PSG7: variants seen among roughly 807,000 people sequenced by gnomAD.
The protein encoded by PSG7 is pregnancy-specific beta-1-glycoprotein 7.
PSG7 carries 57 observed loss-of-function variants against 45.6 expected under a neutral mutation model. That is an observed-to-expected ratio of 1.25 (90% confidence interval 1.01 to 1.56). The LOEUF is 1.56. Ranked by LOEUF, PSG7 falls within the 40% of genes most tolerant of loss-of-function variation. The probability of loss-of-function intolerance (pLI) is 0.00; values close to 1 mark genes in which losing one functional copy is unlikely to be tolerated. For missense variants in PSG7, 796 were observed against 508.4 expected, an observed-to-expected ratio of 1.57 and a Z score of -5.44; for synonymous variants, 298 against 194.4, an observed-to-expected ratio of 1.53 and a Z score of -4.43.
At chr19:42,926,197 A>G in intron 4 of PSG7, 170 bp from the exon 5 acceptor site, 1 of 1,403,634 alleles carries the variant, frequency 7.1e-7, no homozygotes, top group Non-Finnish European at 9.6e-7. Flanking sequence ...TGTTTCTCCC[A>G]TCACAAGCTG....
In PSG7 at chr19:42,926,716, G is replaced by A. The variant is rs200513015; in HGVS notation, c.710C>T (p.Pro237Leu). 977 of 1,610,192 alleles carry A rather than the reference G, an allele frequency of 6.1e-4. 23 individuals are homozygous for A. The African/African-American group carries it at 0.011, about 18-fold the overall frequency. ...GGTGATGTAGGGCTTGGGCAGCTTCGCTGTGTGAATAACAGAGAGAAGATT... is the reference window on the plus strand; with the variant it reads ...GGTGATGTAGGGCTTGGGCAGCTTCACTGTGTGAATAACAGAGAGAAGATT... ...RSDPVTLNLLPKLPKPYITIN... is the reference protein window; with the variant it reads ...RSDPVTLNLLLKLPKPYITIN... The change falls in exon 4 of 6, where the codon CCG becomes CTG. Residue 237 changes from proline to leucine, a missense_variant and splice_region_variant. Pro to Leu is a moderately conservative substitution (Grantham distance 98, BLOSUM62 -3). Coordinates refer to ENST00000406070, the MANE Select transcript of PSG7 (RefSeq NM_002783.3).
At chr19:42,934,103 A>G (rs1393332547) in intron 2 of PSG7, among the ~76,000 whole-genome samples, 1 of 151,442 alleles carries the variant, frequency 6.6e-6, no homozygotes, top group Non-Finnish European at 1.5e-5. Flanking sequence ...GTGGGGAAAG[A>G]AAACAAGGTC....
Position 42,935,460 on chromosome 19 carries a change from A to G in PSG7, c.374T>C (p.Ile125Thr). ...EDTGSYTLHI[I>T]KRGDGTGGVT... ...TCCTCCAGTCCCATCACCTCGCTTT[A>G]TGATGTGTAAAGTGTAGGATCCTGT... Residue 125 changes from isoleucine to threonine, a missense_variant, in exon 2 of 6, where the codon ATA (isoleucine) becomes ACA (threonine). By Grantham distance (89) the Ile-to-Thr change is moderately conservative. Transcript: ENST00000406070. 1 of 1,612,152 alleles carries G rather than the reference A, an allele frequency of 6.2e-7. No homozygotes were observed.
In PSG7 at chr19:42,935,620, T is replaced by C. The variant is rs1475428843; in HGVS notation, c.214A>G (p.Ile72Val). The stretch of plus-strand genomic sequence containing the variant: ...GTAACATAATGGTAGAGGTCCCTGA[T>C]TTGTCCTTTGTACCAGATGTAGCCA... ...LTGYIWYKGQ[I>V]RDLYHYVTSY... The change falls in exon 2 of 6, where the codon ATC (isoleucine) becomes GTC (valine). Residue 72 changes from isoleucine (I) to valine (V), a missense_variant. By Grantham distance (29) the Ile-to-Val change is conservative. Transcript: ENST00000406070. The C allele has an allele frequency of 2.7e-5, 43 of 1,612,042 alleles. 1 individual carries two copies. The highest frequency in any genetic ancestry group is 3.6e-5 in the Non-Finnish European group (42 of 1,179,132).
chr19:42,935,564 T>A lies in PSG7; in HGVS notation c.270A>T (p.Lys90Asn). The A allele has an allele frequency of 6.2e-7, 1 of 1,612,048 alleles. No homozygotes were observed. The change falls in exon 2 of 6, where the codon AAA becomes AAT. Residue 90 changes from lysine (K) to asparagine (N), a missense_variant. Lys to Asn is a moderately conservative substitution (Grantham distance 94). Transcript: ENST00000406070. ...CTCGTCCACTGTATGCAGGCCCATA[T>A]TTAATTATTTGACCGTCTACTATAT... ...TSYIVDGQII[K>N]YGPAYSGRET...
Position 42,924,135 on chromosome 19 carries a change from G to A in PSG7, c.*673C>T, listed in dbSNP as rs1311694930. The stretch of plus-strand genomic sequence containing the variant: ...AAATTGTTTTAAGAGAACAGTATTA[G>A]CAAATGTAGTACATGTTTTATTCTG... On this transcript the variant is annotated 3_prime_UTR_variant, in exon 6 of 6. Transcript: ENST00000406070. 6.3e-6 allele frequency: 1 copy of A among 157,712 alleles called. No homozygotes were observed. Among genetic ancestry groups the A allele is most frequent in the Non-Finnish European group, 1.4e-5 (1 of 72,098 alleles). The allele number at this position is 157,712 out of a possible 1,614,324, so 9.8% of individuals were successfully genotyped here.
At chr19:42,929,159 A>T in intron 3 of PSG7, 1 of 656,038 alleles carries the variant, frequency 1.5e-6, no homozygotes, top group Non-Finnish European at 2.4e-6. Context: ...GTCCCAGCCA[A>T]ATCCCCGCTG....
In PSG7 at chr19:42,926,683, T is replaced by A. The variant is rs764904339; in HGVS notation, c.743A>T (p.Asn248Ile). 6 of 1,610,180 alleles carry A rather than the reference T, an allele frequency of 3.7e-6. No individual in the cohort carries two copies. The change falls in exon 4 of 6, where the codon AAC becomes ATC. Residue 248 changes from asparagine (N) to isoleucine (I), a missense_variant. Asn to Ile is a moderately radical substitution (Grantham distance 149). Transcript: ENST00000406070. ...KLPKPYITIN[N>I]LNPRENKDVS... The stretch of plus-strand genomic sequence containing the variant: ...ATCCTTATTCTCCCTGGGGTTTAAG[T>A]TATTGATGGTGATGTAGGGCTTGGG...
chr19:42,936,133 C>G (rs1296700899), intron 1 of PSG7: 1 of 235,516 alleles, frequency 4.2e-6, no homozygotes, highest in African/African-American at 2.2e-5. Flanking sequence ...TTTCCTGACA[C>G]CTCCTTCAGA....
chr19:42,935,457 T>A lies in PSG7; in HGVS notation c.377A>T (p.Lys126Met). 1 of 1,612,196 alleles carries A rather than the reference T, an allele frequency of 6.2e-7. No individual in the cohort carries two copies. Among genetic ancestry groups the A allele is most frequent in the Non-Finnish European group, 8.5e-7 (1 of 1,179,006 alleles). Residue 126 changes from lysine (K) to methionine (M), a missense_variant, in exon 2 of 6, where the codon AAG becomes ATG. Coordinates refer to ENST00000406070, the MANE Select transcript of PSG7 (RefSeq NM_002783.3). ...DTGSYTLHIIKRGDGTGGVTG... is the reference protein window; with the variant it reads ...DTGSYTLHIIMRGDGTGGVTG... The stretch of plus-strand genomic sequence containing the variant: ...TACTCCTCCAGTCCCATCACCTCGC[T>A]TTATGATGTGTAAAGTGTAGGATCC...
At chr19:42,935,169 C>T (rs1164350374) in intron 2 of PSG7, among the ~76,000 whole-genome samples, 1 of 151,876 alleles carries the variant, frequency 6.6e-6, no homozygotes, top group Admixed American at 6.6e-5. Flanking sequence ...TGAGTCCCCC[C>T]ATCAGACTGT....
At chr19:42,932,874 C>T (rs538394315) in intron 2 of PSG7, among the ~76,000 whole-genome samples, 20 of 151,384 alleles carry the variant, frequency 1.3e-4, no homozygotes, top group African/African-American at 4.1e-4. Flanking sequence ...TGTCATTTGG[C>T]AAGAGTTTAC....
In PSG7 at chr19:42,929,356, G is replaced by C; in HGVS notation, c.709+86C>G. The C allele has an allele frequency of 2.5e-6, 4 of 1,607,436 alleles. 1 individual carries two copies. The South Asian group carries it at 4.4e-5, about 18-fold the overall frequency. On this transcript the variant is annotated intron_variant, in intron 3 of 5. Transcript: ENST00000406070. ...CCAGGGGTAAAGGTCTACATACTTG[G>C]ACCTGAGAGGGACTGAGAAGCCCGG...
chr19:42,926,662 T>G lies in PSG7; in HGVS notation c.764A>C (p.Lys255Thr). ...TINNLNPRENKDVSTFTCEPK... is the reference protein window; with the variant it reads ...TINNLNPRENTDVSTFTCEPK... ...TTCACAGGTGAAGGTTGAGACATCC[T>G]TATTCTCCCTGGGGTTTAAGTTATT... The change falls in exon 4 of 6, where the codon AAG (lysine) becomes ACG (threonine). Residue 255 changes from lysine to threonine, a missense_variant. Coordinates refer to ENST00000406070, the MANE Select transcript of PSG7 (RefSeq NM_002783.3). 1 of 1,610,350 alleles carries G rather than the reference T, an allele frequency of 6.2e-7. No homozygotes were observed.
In PSG7 at chr19:42,925,946, T is replaced by G. The variant is rs1423068289; in HGVS notation, c.1070A>C (p.Asp357Ala). The G allele has an allele frequency of 6.2e-7, 1 of 1,611,826 alleles. No homozygotes were observed. Among genetic ancestry groups the G allele is most frequent in the African/African-American group, 1.3e-5 (1 of 74,526 alleles). ...AGAATACTGTGCCGGTGGGTTAGAG[T>G]CCGCAAAGCAGGACAAGTAGAGGTT... ...GQNLYLSCFA[D>A]SNPPAQYSWT... Residue 357 changes from aspartate (D) to alanine (A), a missense_variant, in exon 5 of 6, where the codon GAC becomes GCC. By Grantham distance (126) the Asp-to-Ala change is moderately radical. Coordinates refer to ENST00000406070, the MANE Select transcript of PSG7 (RefSeq NM_002783.3).
intron 2 of PSG7, among the ~76,000 whole-genome samples, chr19:42,930,997 C>T (rs955316790): frequency 3.3e-5 from 5 of 151,624 alleles, no homozygotes; most frequent in Non-Finnish European, 7.4e-5. Flanking sequence ...ATCCACAATG[C>T]GCCAGTGAGC....
In PSG7 at chr19:42,928,850, G is replaced by C. The variant is rs182104391; in HGVS notation, c.709+592C>G. On this transcript the variant is annotated intron_variant, in intron 3 of 5. Coordinates refer to ENST00000406070, the MANE Select transcript of PSG7 (RefSeq NM_002783.3). ...ACCAGTGGCTGAGTTATGGATGAAA[G>C]AGACATAGACCCCTCTATATGTTTT... Among the ~76,000 whole-genome samples, 267 of 151,568 alleles carry C rather than the reference G, an allele frequency of 1.8e-3. 8 individuals carry two copies. Among genetic ancestry groups the C allele is most frequent in the Middle Eastern group, 6.8e-3 (2 of 294 alleles).
rs191397693 is a variant in PSG7 at position 42,925,465 on chromosome 19, C to A, written c.1243+308G>T. 67 of 701,254 alleles carry A rather than the reference C, an allele frequency of 9.6e-5. 5 individuals are homozygous for A. In the East Asian group the frequency reaches 1.8e-3, roughly 19 times the overall value. 43.4% of individuals were successfully genotyped at this position (701,254 alleles called of 1,614,324 possible). ...AATTTCCATAAATCTAGAAAACTAT[C>A]CACATAAAGAATCAGCATATTTTCA... On this transcript the variant is annotated intron_variant, in intron 5 of 5. Transcript: ENST00000406070.
chr19:42,936,807 C>G (rs961582543), intron 1 of PSG7, among the ~76,000 whole-genome samples: 9 of 151,388 alleles, frequency 5.9e-5, no homozygotes, highest in Admixed American at 6.6e-5. Context: ...ACCACCATAC[C>G]TGGTTAATTT....
Sources: gnomAD v4.1 joint callset for allele counts (sites outside exome capture counted in the v4.1 genomes callset) on GRCh38, gnomAD v4.1.1 for gene constraint, MANE v1.5 for transcripts, NCBI Gene and HGNC (gene_info 2026-07-23, HGNC 2026-07-21) for gene names.